The following PPME1 variants were observed in gnomAD, a reference collection of about 807,000 sequenced individuals.
PPME1 encodes the protein testicular secretory protein Li 39.
In PPME1, 17 loss-of-function variants were observed where a neutral mutation model predicts 56.9. That is an observed-to-expected ratio of 0.30 (90% CI 0.20 to 0.45). The LOEUF is 0.45. PPME1 is among the 20% of genes least tolerant of loss of function. The pLI is 1.00. For synonymous variants in PPME1, 122 were observed against 156.2 expected (o/e 0.78, Z 1.63); for missense variants, 357 against 483.2 (o/e 0.74, Z 2.45).
chr11:74,175,510 A>G (rs1322478701), intron 1 of PPME1, among the ~76,000 whole-genome samples: 2 of 152,202 alleles, frequency 1.3e-5, no homozygotes, highest in Non-Finnish European at 2.9e-5. Flanking sequence ...TCAAAAAAAA[A>G]AAAGTTCTAC....
chr11:74,186,781 C>G lies in PPME1; in HGVS notation c.101+15259C>G, dbSNP rs1857694621. Among the ~76,000 whole-genome samples, 5 of 152,150 alleles carry G rather than the reference C, an allele frequency of 3.3e-5. No individual in the cohort carries two copies. The South Asian group carries it at 1.0e-3, about 31-fold the overall frequency. ...TGTAGAAAGAGAATGAAAGTGCAAG[C>G]TAATCCATATCACTATCCTATAAAG... is the stretch of plus-strand genomic sequence containing the variant. On this transcript the variant is annotated intron_variant, in intron 1 of 13. Coordinates refer to ENST00000328257, the MANE Select transcript of PPME1 (RefSeq NM_016147.3).
At chr11:74,223,699 A>G (rs1174452123) in intron 4 of PPME1, among the ~76,000 whole-genome samples, 21 of 108,262 alleles carry the variant, frequency 1.9e-4, no homozygotes, top group Admixed American at 3.8e-4. Context: ...GCCAGTGATG[A>G]TGAGCATTTT....
At chr11:74,234,343 A>G (rs1005983997) in intron 7 of PPME1, among the ~76,000 whole-genome samples, 3 of 152,236 alleles carry the variant, frequency 2.0e-5, no homozygotes, top group Admixed American at 2.0e-4. Flanking sequence ...GTTAATATTT[A>G]AAAGTGAAAG....
chr11:74,212,792 G>C (rs951094958), intron 3 of PPME1, among the ~76,000 whole-genome samples: 22 of 152,070 alleles, frequency 1.4e-4, no homozygotes, highest in African/African-American at 5.3e-4. Context: ...GTCCTGGCAG[G>C]ATTCATCCCC....
intron 7 of PPME1, among the ~76,000 whole-genome samples, chr11:74,235,210 T>G (rs1439525644): frequency 6.6e-6 from 1 of 152,208 alleles, no homozygotes; most frequent in African/African-American, 2.4e-5. Context: ...ACCCTGGGAA[T>G]GCAGTCATTT....
intron 3 of PPME1, among the ~76,000 whole-genome samples, chr11:74,209,640 T>A (rs1858421654): frequency 6.6e-6 from 1 of 152,168 alleles, no homozygotes; most frequent in Non-Finnish European, 1.5e-5. Flanking sequence ...CTAGTATAGA[T>A]GATTGATTGG....
rs899946497 is a variant in PPME1, at chr11:74,236,341, A to T, written c.710+375A>T. ...CCAAACCTGGCTGTGAGGGAATTAT[A>T]ATAAAAAAGCTCTGGCATAGCCTGA... On this transcript the variant is annotated intron_variant, in intron 8 of 13. Transcript: ENST00000328257. 2.0e-5 allele frequency among the ~76,000 whole-genome samples: 3 copies of T among 152,314 alleles called. No individual in the cohort carries two copies. The Middle Eastern group carries it at 0.01, about 518-fold the overall frequency.
At chr11:74,191,676 A>T (rs1857843384) in intron 1 of PPME1, among the ~76,000 whole-genome samples, 1 of 152,244 alleles carries the variant, frequency 6.6e-6, no homozygotes, top group Non-Finnish European at 1.5e-5. Flanking sequence ...CTCATGCTCC[A>T]GCCAGGGCTC....
intron 3 of PPME1, among the ~76,000 whole-genome samples, chr11:74,208,251 GC>G (rs1401520533): frequency 1.3e-5 from 2 of 151,650 alleles, no homozygotes; most frequent in Non-Finnish European, 2.9e-5. Context: ...GGCAGAGGTT[GC>G]AGTGAGTCGA....
At chr11:74,192,852 A>T (rs1054384617) in intron 1 of PPME1, among the ~76,000 whole-genome samples, 1 of 152,186 alleles carries the variant, frequency 6.6e-6, no homozygotes, top group East Asian at 1.9e-4. Flanking sequence ...TGCTGGTACC[A>T]TGCAGAACCA....
chr11:74,231,270 C>T (rs1859059823), intron 7 of PPME1, among the ~76,000 whole-genome samples: 1 of 152,186 alleles, frequency 6.6e-6, no homozygotes, highest in Non-Finnish European at 1.5e-5. Flanking sequence ...GTTGCCCAGG[C>T]TGGCTTCAAG....
chr11:74,206,473 A>ACTACTATACT (rs1357589330), intron 3 of PPME1, among the ~76,000 whole-genome samples: 17 of 152,370 alleles, frequency 1.1e-4, no homozygotes, highest in Non-Finnish European at 1.5e-4. Context: ...AGAATACTTT[A>ACTACTATACT]AACAATAGCA....
intron 1 of PPME1, among the ~76,000 whole-genome samples, chr11:74,202,285 C>T (rs1858190719): frequency 6.6e-6 from 1 of 152,120 alleles, no homozygotes; most frequent in South Asian, 2.1e-4. Context: ...ATAACACAGA[C>T]CACTTAAATA....
intron 1 of PPME1, among the ~76,000 whole-genome samples, chr11:74,180,930 G>A (rs893563648): frequency 4.6e-5 from 7 of 151,868 alleles, no homozygotes; most frequent in Admixed American, 2.6e-4. Flanking sequence ...TGTTAAAAGC[G>A]CTCCAAAGTC....
At chr11:74,218,156 G>T (rs1565387356) in intron 3 of PPME1, among the ~76,000 whole-genome samples, 1 of 151,744 alleles carries the variant, frequency 6.6e-6, no homozygotes, top group African/African-American at 2.4e-5. Flanking sequence ...AATCAAGAAA[G>T]TAACCCTATT....
At chr11:74,242,119 A>G (rs1243136476) in intron 9 of PPME1, among the ~76,000 whole-genome samples, 5 of 152,232 alleles carry the variant, frequency 3.3e-5, no homozygotes, top group East Asian at 3.9e-4. Context: ...ATTTAGGCCT[A>G]TGTTCCATTT....
intron 4 of PPME1, among the ~76,000 whole-genome samples, chr11:74,222,899 T>A (rs1357000901): frequency 6.6e-6 from 1 of 152,162 alleles, no homozygotes; most frequent in Non-Finnish European, 1.5e-5. Flanking sequence ...TTATGTGTGT[T>A]AAGCTAAGAA....
chr11:74,223,562 G>C (rs1858856454), intron 4 of PPME1, among the ~76,000 whole-genome samples: 1 of 129,888 alleles, frequency 7.7e-6, no homozygotes, highest in South Asian at 2.4e-4. Flanking sequence ...CCCACCAACA[G>C]TGTAAAAGTG....
chr11:74,190,701 G>A (rs1307127156), intron 1 of PPME1, among the ~76,000 whole-genome samples: 1 of 152,168 alleles, frequency 6.6e-6, no homozygotes, highest in Non-Finnish European at 1.5e-5. Flanking sequence ...GGCAGAGGTT[G>A]GAAGAGTTTG....
Sources: allele counts gnomAD v4.1 joint callset (sites outside exome capture counted in the v4.1 genomes callset), GRCh38; gene constraint gnomAD v4.1.1; transcripts MANE v1.5; gene names NCBI Gene and HGNC (gene_info 2026-07-23, HGNC 2026-07-21).